Variants in KAZN observed in about 807,000 individuals in gnomAD.
KAZN encodes the protein kazrin, periplakin interacting protein.
A neutral mutation model predicts 87.4 loss-of-function variants in KAZN; 40 were observed. The ratio of observed to expected loss-of-function variants is 0.46; its 90% confidence interval spans 0.36 to 0.60. KAZN has a LOEUF of 0.60. Among genes scored for constraint, KAZN ranks in the 20% least tolerant of loss-of-function variants. The probability of loss-of-function intolerance (pLI) is 0.00; values close to 1 mark genes in which losing one functional copy is unlikely to be tolerated. For synonymous variants in KAZN, 466 were observed against 458.3 expected, an observed-to-expected ratio of 1.02 and a Z score of -0.22; for missense variants, 898 against 1,073.9, an observed-to-expected ratio of 0.84 and a Z score of 2.29.
At chr1:14,504,560 T>TCTG (rs1186669977) in intron 2 of KAZN, among the ~76,000 whole-genome samples, 1 of 152,188 alleles carries the variant, frequency 6.6e-6, no homozygotes, top group Non-Finnish European at 1.5e-5. Flanking sequence ...TACGATGGGA[T>TCTG]CTGCTACTCG....
chr1:14,469,744 A>G (rs866303976), intron 2 of KAZN, among the ~76,000 whole-genome samples: 1 of 152,204 alleles, frequency 6.6e-6, no homozygotes, highest in Non-Finnish European at 1.5e-5. Context: ...AGAGGCCACG[A>G]TGTCAGATTC....
At chr1:14,971,171 G>T (rs933724303) in intron 2 of KAZN, among the ~76,000 whole-genome samples, 7 of 152,142 alleles carry the variant, frequency 4.6e-5, no homozygotes, top group African/African-American at 1.7e-4. Context: ...AGGCCAAGGC[G>T]GGCGAATCAT....
intron 2 of KAZN, among the ~76,000 whole-genome samples, chr1:14,314,249 G>A (rs1655498552): frequency 6.6e-6 from 1 of 152,144 alleles, no homozygotes; most frequent in Non-Finnish European, 1.5e-5. Flanking sequence ...ACTTTGACCT[G>A]ATCTTGCAAC....
intron 2 of KAZN, among the ~76,000 whole-genome samples, chr1:14,987,827 T>C (rs1333387326): frequency 1.3e-5 from 2 of 152,190 alleles, no homozygotes; most frequent in Non-Finnish European, 2.9e-5. Context: ...TGAGAATAGA[T>C]CAGGGGTGTA....
intron 2 of KAZN, among the ~76,000 whole-genome samples, chr1:14,550,143 A>G (rs2148509983): frequency 6.6e-6 from 1 of 152,294 alleles, no homozygotes; most frequent in East Asian, 1.9e-4. Context: ...GTTTACTTAG[A>G]CTTCTCTGTG....
chr1:15,102,168 T>C (rs1015680869), intron 11 of KAZN, among the ~76,000 whole-genome samples: 1 of 152,068 alleles, frequency 6.6e-6, no homozygotes, highest in Non-Finnish European at 1.5e-5. Flanking sequence ...CAGGGTTTTA[T>C]GAATACCCAG....
intron 1 of KAZN, among the ~76,000 whole-genome samples, chr1:14,955,849 C>T (rs545852125): frequency 2.6e-5 from 4 of 152,226 alleles, no homozygotes; most frequent in Non-Finnish European, 5.9e-5. Flanking sequence ...AGTGCTCAGG[C>T]AAAGCCTGCT....
chr1:14,395,790 G>T (rs1484754171), intron 2 of KAZN, among the ~76,000 whole-genome samples: 6 of 152,098 alleles, frequency 3.9e-5, no homozygotes, highest in African/African-American at 1.4e-4. Context: ...GACATTTAAC[G>T]TGAACAGCAG....
chr1:14,726,321 C>A (rs183207282), intron 1 of KAZN, among the ~76,000 whole-genome samples: 113 of 152,318 alleles, frequency 7.4e-4, no homozygotes, highest in Non-Finnish European at 8.2e-4. Context: ...CACAGGGGAC[C>A]TGTGCAAGCT....
At chr1:14,839,508 A>G (rs955130122) in intron 1 of KAZN, among the ~76,000 whole-genome samples, 3 of 152,328 alleles carry the variant, frequency 2.0e-5, no homozygotes, top group Non-Finnish European at 2.9e-5. Context: ...AACATGAGCT[A>G]TTGGTATGAT....
intron 1 of KAZN, among the ~76,000 whole-genome samples, chr1:13,940,130 G>A (rs987494653): frequency 6.6e-6 from 1 of 152,130 alleles, no homozygotes; most frequent in African/African-American, 2.4e-5. Flanking sequence ...TTTGGTATTA[G>A]GGTGTTAATG....
intron 1 of KAZN, among the ~76,000 whole-genome samples, chr1:14,776,729 C>A (rs1167611491): frequency 1.3e-5 from 2 of 152,060 alleles, no homozygotes; most frequent in Non-Finnish European, 2.9e-5. Flanking sequence ...GAGTTGGAGA[C>A]CAATTTGGGC....
intron 1 of KAZN, among the ~76,000 whole-genome samples, chr1:14,892,243 C>T (rs1042072416): frequency 2.0e-5 from 3 of 152,116 alleles, no homozygotes; most frequent in Non-Finnish European, 2.9e-5. Flanking sequence ...GAAGAAAACA[C>T]TCCTGGCAGA....
intron 1 of KAZN, among the ~76,000 whole-genome samples, chr1:13,986,038 A>G (rs1638999811): frequency 6.6e-6 from 1 of 152,206 alleles, no homozygotes; most frequent in Non-Finnish European, 1.5e-5. Context: ...TTAGCAGTGA[A>G]GTTCCTGGGT....
At chr1:14,958,371 G>C (rs1354620974) in intron 1 of KAZN, among the ~76,000 whole-genome samples, 1 of 102,406 alleles carries the variant, frequency 9.8e-6, no homozygotes, top group Non-Finnish European at 2.5e-5. Flanking sequence ...GGTACATGGA[G>C]CACTTCTTAT....
chr1:14,830,565 G>A (rs577311510), intron 1 of KAZN, among the ~76,000 whole-genome samples: 5 of 152,278 alleles, frequency 3.3e-5, no homozygotes, highest in East Asian at 3.9e-4. Flanking sequence ...TCTGCAGGCT[G>A]TACAAGAGGC....
chr1:14,492,138 C>T (rs1435604361), intron 2 of KAZN, among the ~76,000 whole-genome samples: 1 of 152,180 alleles, frequency 6.6e-6, no homozygotes, highest in Non-Finnish European at 1.5e-5. Context: ...CTAGAAGGGC[C>T]TGACCAGCTG....
At chr1:14,538,080 G>A (rs1301200444) in intron 2 of KAZN, among the ~76,000 whole-genome samples, 2 of 152,088 alleles carry the variant, frequency 1.3e-5, no homozygotes, top group Non-Finnish European at 2.9e-5. Flanking sequence ...ACCGGCCAAG[G>A]ACCTGAGGCA....
intron 2 of KAZN, among the ~76,000 whole-genome samples, chr1:14,429,751 A>G (rs1665937887): frequency 6.6e-6 from 1 of 152,148 alleles, no homozygotes; most frequent in African/African-American, 2.4e-5. Context: ...GGGAGATGTC[A>G]CCGTCGTCGT....
Sources: allele counts gnomAD v4.1 joint callset (sites outside exome capture counted in the v4.1 genomes callset), GRCh38; gene constraint gnomAD v4.1.1; transcripts MANE v1.5; gene names NCBI Gene and HGNC (gene_info 2026-07-23, HGNC 2026-07-21).